Variants in SPTBN5 observed in about 807,000 individuals in gnomAD.
SPTBN5 encodes the protein spectrin beta chain, non-erythrocytic 5.
SPTBN5 carries 513 observed loss-of-function variants against 477.6 expected under a neutral mutation model. The observed-to-expected ratio is 1.07, with a 90% confidence interval of 1.00 to 1.16. The LOEUF is 1.16. Among genes scored for constraint, SPTBN5 ranks in the 50% most tolerant of loss-of-function variants. The probability of loss-of-function intolerance (pLI) is 0.00; values close to 1 mark genes in which losing one functional copy is unlikely to be tolerated. For synonymous variants in SPTBN5, 2,169 were observed against 2,011.7 expected (o/e 1.08, Z -2.09); for missense variants, 5,062 against 4,731.8 (o/e 1.07, Z -2.05).
chr15:41,882,131 C>T lies in SPTBN5; in HGVS notation c.2262G>A (p.Ala754=). The T allele has an allele frequency of 6.4e-7, 1 of 1,572,466 alleles. No individual in the cohort carries two copies. The highest frequency in any genetic ancestry group is 8.5e-7 in the Non-Finnish European group (1 of 1,170,270). ...CGCGCAGCCACGAAGCCGCCTCCGCCGCGTCCGCGAAGTACTGTGGGAGGG... is the reference window on the plus strand; with the variant it reads ...CGCGCAGCCACGAAGCCGCCTCCGCTGCGTCCGCGAAGTACTGTGGGAGGG... ...ALLVLQYFAD[A]AEAASWLRER... The change falls in exon 12 of 68, where the codon GCG becomes GCA. Residue 754 remains alanine (A), a synonymous_variant. Transcript: ENST00000320955.
intron 12 of SPTBN5, 42 bp downstream of exon 12, chr15:41,881,894 G>C (rs1365331365): frequency 6.7e-7 from 1 of 1,494,138 alleles, no homozygotes; most frequent in Admixed American, 2.2e-5. Flanking sequence ...AGCCGCGGTG[G>C]AGCAAGGGAG....
Position 41,892,947 on chromosome 15 carries a change from G to A in SPTBN5, c.331C>T (p.Arg111Cys), listed in dbSNP as rs200501221. 20 of 1,608,492 alleles carry A rather than the reference G, an allele frequency of 1.2e-5. No homozygotes were observed. The highest frequency in any genetic ancestry group is 1.1e-4 in the African/African-American group (8 of 75,074). ...ALPPPSRGRL[R>C]VHFLENSSRA... ...CTGCTGTTCTCCAGGAAGTGCACACGCAGGCGGCCCCGGCTCGGGGGTGGC... is the reference window on the plus strand; with the variant it reads ...CTGCTGTTCTCCAGGAAGTGCACACACAGGCGGCCCCGGCTCGGGGGTGGC... Residue 111 changes from arginine (R) to cysteine (C), a missense_variant, in exon 3 of 68, where the codon CGT becomes TGT. Coordinates refer to ENST00000320955, the MANE Select transcript of SPTBN5 (RefSeq NM_016642.4).
chr15:41,859,856 C>A (rs2066044112), intron 47 of SPTBN5, among the ~76,000 whole-genome samples: 1 of 152,170 alleles, frequency 6.6e-6, no homozygotes, highest in African/African-American at 2.4e-5. Context: ...AGGACACCAG[C>A]ACAAGGAGCC....
At chr15:41,892,518 T>C (rs549237972) in intron 3 of SPTBN5, among the ~76,000 whole-genome samples, 11 of 152,344 alleles carry the variant, frequency 7.2e-5, no homozygotes, top group Admixed American at 3.9e-4. Context: ...TGTTGGCTGG[T>C]TAACCATCGA....
At chr15:41,858,464 G>A (rs1033202021) in intron 49 of SPTBN5, 138 bp downstream of exon 49, 22 of 1,139,074 alleles carry the variant, frequency 1.9e-5, no homozygotes, top group Non-Finnish European at 2.3e-5. Flanking sequence ...CTAAACAACC[G>A]CTTAGCCAGG....
rs1279349640 is a variant in SPTBN5, at chr15:41,873,061, C to CCCTGGCTGTTTGTGGG, written c.5007+430_5007+431insCCCACAAACAGCCAGG. ...ACTTCGAGACCTCCCTCCCTTCAGC[C>CCCTGGCTGTTTGTGGG]AGGGGATGTTTGTGGGAGGAGGTCG... is the stretch of plus-strand genomic sequence containing the variant. On this transcript the variant is annotated intron_variant, in intron 26 of 67. Coordinates refer to ENST00000320955, the MANE Select transcript of SPTBN5 (RefSeq NM_016642.4). Among the ~76,000 whole-genome samples the CCCTGGCTGTTTGTGGG allele has an allele frequency of 2.6e-5, 4 of 152,258 alleles. No individual in the cohort carries two copies. The East Asian group carries it at 7.7e-4, about 29-fold the overall frequency.
At chr15:41,856,624 C>G in intron 52 of SPTBN5, 26 bp from the exon 53 acceptor site, 1 of 1,543,030 alleles carries the variant, frequency 6.5e-7, no homozygotes, top group Non-Finnish European at 8.7e-7. Context: ...CAGGAGGATG[C>G]GGATGTTGCT....
In SPTBN5 at chr15:41,851,768, C is replaced by T. The variant is rs2065772788; in HGVS notation, c.10656+11G>A. On this transcript the variant is annotated intron_variant, in intron 63 of 67. Coordinates refer to ENST00000320955, the MANE Select transcript of SPTBN5 (RefSeq NM_016642.4). ...GGGAGCTGCCTGGAGAAGGAATCTC[C>T]AGGCACTCACCTGCCTCCCGCCAGG... The T allele has an allele frequency of 1.4e-5, 23 of 1,603,544 alleles. No homozygotes were observed. Among genetic ancestry groups the T allele is most frequent in the Non-Finnish European group, 2.0e-5 (23 of 1,173,688 alleles).
In SPTBN5 at chr15:41,880,188, G is replaced by A. The variant is rs372195795; in HGVS notation, c.2783C>T (p.Thr928Ile). The change falls in exon 14 of 68, where the codon ACC becomes ATC. Residue 928 changes from threonine (T) to isoleucine (I), a missense_variant. Thr to Ile is a moderately conservative substitution (Grantham distance 89, BLOSUM62 -1). Coordinates refer to ENST00000320955, the MANE Select transcript of SPTBN5 (RefSeq NM_016642.4). ...LLQRVQPQADTLEVMQLKYEN... is the reference protein window; with the variant it reads ...LLQRVQPQADILEVMQLKYEN... ...ATATTTGAGCTGCATGACCTCCAGG[G>A]TGTCAGCCTGGGGCTGCACCCTTTG... 4.8e-5 allele frequency: 77 copies of A among 1,605,458 alleles called. No individual in the cohort carries two copies. The Admixed American group carries it at 8.4e-4, about 17-fold the overall frequency.
Position 41,860,771 on chromosome 15 carries a change from G to T in SPTBN5, c.7816-13C>A, listed in dbSNP as rs778379708. 6.4e-7 allele frequency: 1 copy of T among 1,562,420 alleles called. No individual in the cohort carries two copies. The highest frequency in any genetic ancestry group is 2.3e-5 in the East Asian group (1 of 42,764). On this transcript the variant is annotated splice_polypyrimidine_tract_variant and intron_variant, in intron 46 of 67. Transcript: ENST00000320955. Reference sequence around the variant, plus strand: ...GGGCCAAGGGGTCCTGGTGGGAGTGGGGAACCCAATACTGTCCATGAGCCT... The same window carrying T: ...GGGCCAAGGGGTCCTGGTGGGAGTGTGGAACCCAATACTGTCCATGAGCCT...
chr15:41,864,183 G>T (rs578199367), intron 39 of SPTBN5, among the ~76,000 whole-genome samples, 159 bp from the exon 40 acceptor site: 3 of 152,338 alleles, frequency 2.0e-5, no homozygotes, highest in African/African-American at 4.8e-5. Context: ...ACTGCGGCAG[G>T]TCCCTGAGGT....
chr15:41,891,043 C>A (rs1198966403), intron 3 of SPTBN5, among the ~76,000 whole-genome samples: 1 of 152,232 alleles, frequency 6.6e-6, no homozygotes, highest in Non-Finnish European at 1.5e-5. Context: ...CTATTCACCT[C>A]CCTGCCTTTA....
chr15:41,875,298 C>T lies in SPTBN5; in HGVS notation c.4287+160G>A, dbSNP rs924775472. Among the ~76,000 whole-genome samples, 12 of 152,318 alleles carry T rather than the reference C, an allele frequency of 7.9e-5. 1 individual carries two copies. The highest frequency in any genetic ancestry group is 5.8e-4 in the East Asian group (3 of 5,184). On this transcript the variant is annotated intron_variant, in intron 22 of 67. Transcript: ENST00000320955. ...ACACAGGAGAGAATCCTGCATTGGC[C>T]GACTGAGCGGAAAGCCACGCTCAGC...
In SPTBN5 at chr15:41,857,024, C is replaced by T. The variant is rs772711916; in HGVS notation, c.8637G>A (p.Arg2879=). 1.2e-6 allele frequency: 2 copies of T among 1,603,992 alleles called. No individual in the cohort carries two copies. Among genetic ancestry groups the T allele is most frequent in the African/African-American group, 1.3e-5 (1 of 74,908 alleles). Residue 2879 remains arginine (R), a synonymous_variant, in exon 52 of 68, where the codon AGG becomes AGA. Coordinates refer to ENST00000320955, the MANE Select transcript of SPTBN5 (RefSeq NM_016642.4). ...CCGTCCTGCGCTCCTGCAGGGGCTC[C>T]CTCAGGCTCTTGAACCTGCAGCGGT... ...RRLLQRFKSL[R]EPLQERRTAL...
intron 57 of SPTBN5, 59 bp from the exon 58 acceptor site, chr15:41,853,846 C>T (rs1328345783): frequency 1.2e-5 from 17 of 1,466,922 alleles, no homozygotes; most frequent in Non-Finnish European, 1.4e-5. Context: ...GCGTGCTCTG[C>T]ATTCAGGAGC....
At chr15:41,881,577 C>T (rs1458763088) in intron 12 of SPTBN5, among the ~76,000 whole-genome samples, 1 of 152,128 alleles carries the variant, frequency 6.6e-6, no homozygotes, top group Non-Finnish European at 1.5e-5. Context: ...GTGATGAGGC[C>T]ACCCCAAACC....
intron 21 of SPTBN5, among the ~76,000 whole-genome samples, chr15:41,875,830 G>T (rs2066705885): frequency 6.6e-6 from 1 of 152,190 alleles, no homozygotes; most frequent in African/African-American, 2.4e-5. Context: ...GGGGTGAGCC[G>T]GCATTAGGTT....
chr15:41,882,693 G>C lies in SPTBN5; in HGVS notation c.1938C>G (p.Arg646=). ...GCCAGGCTTCCTCCTCCTCACAGTT[G>C]CGCAGGAACTCTGCCCGCTGCAGGG... is the stretch of plus-strand genomic sequence containing the variant. ...EQTLQRAEFL[R]NCEEEEAWLK... The change falls in exon 10 of 68, where the codon CGC becomes CGG. Residue 646 remains arginine, a synonymous_variant. Transcript: ENST00000320955. 6.2e-7 allele frequency: 1 copy of C among 1,609,572 alleles called. No homozygotes were observed.
At chr15:41,857,822 G>C in intron 49 of SPTBN5, 112 bp from the exon 50 acceptor site, 1 of 1,317,860 alleles carries the variant, frequency 7.6e-7, no homozygotes, top group African/African-American at 1.5e-5. Context: ...CGGTCCAGCT[G>C]CATGATCTTG....
Sources: allele counts gnomAD v4.1 joint callset (sites outside exome capture counted in the v4.1 genomes callset), GRCh38; gene constraint gnomAD v4.1.1; transcripts MANE v1.5; gene names NCBI Gene and HGNC (gene_info 2026-07-23, HGNC 2026-07-21).